The following PCSK5 variants were observed in gnomAD, a reference collection of about 807,000 sequenced individuals.
The protein encoded by PCSK5 is proprotein convertase subtilisin/kexin type 5, also known as prohormone convertase 5.
A neutral mutation model predicts 233.2 loss-of-function variants in PCSK5; 129 were observed. That is an observed-to-expected ratio of 0.55 (90% CI 0.48 to 0.64). PCSK5 has a LOEUF of 0.64. Among genes scored for constraint, PCSK5 ranks in the 30% least tolerant of loss-of-function variants. PCSK5 has a pLI of 0.00. For synonymous variants in PCSK5, 825 were observed against 879.2 expected (o/e 0.94, Z 1.09); for missense variants, 2,076 against 2,430.1 (o/e 0.85, Z 3.06).
intron 1 of PCSK5, among the ~76,000 whole-genome samples, chr9:75,895,570 G>A (rs1054691573): frequency 1.3e-5 from 2 of 152,124 alleles, no homozygotes; most frequent in Non-Finnish European, 2.9e-5. Context: ...TTTTATGTTA[G>A]ATTCTAAACA....
intron 33 of PCSK5, among the ~76,000 whole-genome samples, chr9:76,331,759 C>T (rs1197626194): frequency 1.3e-5 from 2 of 151,972 alleles, no homozygotes; most frequent in Admixed American, 6.6e-5. Flanking sequence ...AGCTACTGCA[C>T]TGCTGCCTTT....
rs533099774 is a variant in PCSK5, at chr9:75,969,833, G to A, written c.298-16299G>A. Among the ~76,000 whole-genome samples the A allele has an allele frequency of 3.8e-3, 576 of 151,280 alleles. 3 individuals carry two copies. The highest frequency in any genetic ancestry group is 0.013 in the African/African-American group (546 of 41,186). ...TCACCCTACTTTGCACTGGGCAAGC[G>A]AGAATTCTCAAACACGGGTTCCTTG... On this transcript the variant is annotated intron_variant, in intron 2 of 37. Transcript: ENST00000674117.
intron 2 of PCSK5, among the ~76,000 whole-genome samples, chr9:75,942,144 C>T (rs1342654452): frequency 2.6e-5 from 4 of 152,112 alleles, no homozygotes; most frequent in South Asian, 2.1e-4. Flanking sequence ...CGTTGCCTGC[C>T]CGGAGCAGCT....
chr9:76,125,412 C>A (rs1051562279), intron 9 of PCSK5, among the ~76,000 whole-genome samples: 1 of 152,220 alleles, frequency 6.6e-6, no homozygotes, highest in Non-Finnish European at 1.5e-5. Context: ...AGAGCTGAGG[C>A]TCTAGAATCA....
intron 20 of PCSK5, among the ~76,000 whole-genome samples, chr9:76,220,576 AC>A (rs1273501815): frequency 1.4e-5 from 2 of 142,010 alleles, no homozygotes; most frequent in Non-Finnish European, 3.1e-5. Context: ...CCTCCATCCC[AC>A]CCCCAAACCC....
At chr9:75,930,704 A>G (rs770171802) in intron 1 of PCSK5, among the ~76,000 whole-genome samples, 1 of 152,150 alleles carries the variant, frequency 6.6e-6, no homozygotes, top group Non-Finnish European at 1.5e-5. Context: ...GATCTTCCTT[A>G]TGGAAATTCT....
intron 1 of PCSK5, among the ~76,000 whole-genome samples, chr9:75,899,000 A>G (rs572725000): frequency 1.2e-4 from 18 of 152,296 alleles, no homozygotes; most frequent in African/African-American, 4.3e-4. Context: ...CTGAATGCAT[A>G]ATGGCAGAGT....
chr9:76,161,464 C>G (rs1822855054), intron 12 of PCSK5, among the ~76,000 whole-genome samples: 1 of 148,372 alleles, frequency 6.7e-6, no homozygotes, highest in African/African-American at 2.5e-5. Context: ...TTTTCTTTAC[C>G]ATTATTCATC....
chr9:76,008,607 G>A (rs528020460), intron 3 of PCSK5, among the ~76,000 whole-genome samples: 1 of 152,038 alleles, frequency 6.6e-6, no homozygotes, highest in Admixed American at 6.6e-5. Flanking sequence ...GATTACAAGC[G>A]TGAGCCGCCA....
chr9:75,896,726 ATATACT>A (rs1363080845), intron 1 of PCSK5, among the ~76,000 whole-genome samples: 1 of 152,238 alleles, frequency 6.6e-6, no homozygotes, highest in African/African-American at 2.4e-5. Context: ...ATATATACAC[ATATACT>A]TATATATGAT....
At chr9:76,148,142 G>T (rs747115529) in intron 10 of PCSK5, among the ~76,000 whole-genome samples, 4 of 151,324 alleles carry the variant, frequency 2.6e-5, no homozygotes, top group African/African-American at 4.9e-5. Flanking sequence ...CCCATCTCCT[G>T]CTTGCCAAAT....
chr9:76,135,247 TATATG>T (rs1822923182), intron 10 of PCSK5, among the ~76,000 whole-genome samples: 1 of 152,074 alleles, frequency 6.6e-6, no homozygotes, highest in Admixed American at 6.6e-5. Flanking sequence ...TATATATCCT[TATATG>T]AGCAATATAT....
chr9:76,141,322 A>T (rs532579556), intron 10 of PCSK5, among the ~76,000 whole-genome samples: 1 of 152,134 alleles, frequency 6.6e-6, no homozygotes, highest in African/African-American at 2.4e-5. Context: ...TCATTTTCTT[A>T]TTTGAGGTTT....
At chr9:76,340,170 T>C (rs897936885) in intron 35 of PCSK5, among the ~76,000 whole-genome samples, 6 of 152,126 alleles carry the variant, frequency 3.9e-5, no homozygotes. Flanking sequence ...AGTCCATCCC[T>C]CCTACTAATT....
At position 75,983,922 on chromosome 9, in the gene PCSK5, A is replaced by G. The variant is rs559854364; in HGVS notation, c.298-2210A>G. Among the ~76,000 whole-genome samples, 8 of 152,292 alleles carry G rather than the reference A, an allele frequency of 5.3e-5. No homozygotes were observed. The South Asian group carries it at 1.7e-3, about 32-fold the overall frequency. On this transcript the variant is annotated intron_variant, in intron 2 of 37. Coordinates refer to ENST00000674117, the MANE Select transcript of PCSK5 (RefSeq NM_001372043.1). ...AGGTACTTTTCCCACTTTCCAAAAAATACAGGGCTATATACACATACCCGT... is the reference window on the plus strand; with the variant it reads ...AGGTACTTTTCCCACTTTCCAAAAAGTACAGGGCTATATACACATACCCGT...
chr9:76,030,200 G>A (rs1020920408), intron 5 of PCSK5, among the ~76,000 whole-genome samples: 3 of 151,408 alleles, frequency 2.0e-5, no homozygotes, highest in African/African-American at 4.8e-5. Context: ...TGTTATTTAA[G>A]TCCATTTAGT....
intron 2 of PCSK5, among the ~76,000 whole-genome samples, chr9:75,961,374 A>G (rs1825346203): frequency 6.6e-6 from 1 of 152,246 alleles, no homozygotes; most frequent in Admixed American, 6.5e-5. Context: ...TGAAATGACC[A>G]ATATTGTAAA....
chr9:76,226,542 A>G (rs59789755), intron 20 of PCSK5, among the ~76,000 whole-genome samples: 8,715 of 152,174 alleles, frequency 0.057, 333 homozygotes, highest in South Asian at 0.12. Flanking sequence ...TCTCAGATTG[A>G]CAGTGTTCAG....
chr9:75,923,291 G>C (rs1375106352), intron 1 of PCSK5, among the ~76,000 whole-genome samples: 1 of 152,182 alleles, frequency 6.6e-6, no homozygotes, highest in African/African-American at 2.4e-5. Flanking sequence ...GGGAAGATTA[G>C]ACGTAACGTA....
Sources: allele counts gnomAD v4.1 joint callset (sites outside exome capture counted in the v4.1 genomes callset), GRCh38; gene constraint gnomAD v4.1.1; transcripts MANE v1.5; gene names NCBI Gene and HGNC (gene_info 2026-07-23, HGNC 2026-07-21).